TRIM16: variants seen among roughly 807,000 people sequenced by gnomAD.
TRIM16 encodes the protein tripartite motif-containing protein 16.
A neutral mutation model predicts 50.4 loss-of-function variants in TRIM16; 33 were observed. The observed-to-expected ratio is 0.65, with a 90% confidence interval of 0.50 to 0.88. TRIM16 has a LOEUF of 0.88. Among genes scored for constraint, TRIM16 ranks in the 40% least tolerant of loss-of-function variants. The pLI is 0.00. For missense variants in TRIM16, 581 were observed against 686.8 expected (o/e 0.85, Z 1.72); for synonymous variants, 229 against 270.7 (o/e 0.85, Z 1.51).
intron 6 of TRIM16, chr17:15,675,362 G>C (rs1264544822): frequency 6.2e-6 from 1 of 161,642 alleles, no homozygotes; most frequent in Non-Finnish European, 1.5e-5. Context: ...GAGTGGATTT[G>C]TCCAGACATT....
Position 15,651,197 on chromosome 17 carries a change from A to G in TRIM16, c.413T>C (p.Leu138Pro). 1 of 1,614,224 alleles carries G rather than the reference A, an allele frequency of 6.2e-7. No individual in the cohort carries two copies. The highest frequency in any genetic ancestry group is 8.5e-7 in the Non-Finnish European group (1 of 1,180,026). The change falls in exon 7 of 12, where the codon CTG becomes CCG. Residue 138 changes from leucine (L) to proline (P), a missense_variant. This residue lies in a region of TRIM16 where 450 missense variants were observed against 544.3 expected (regional missense o/e 0.83). Transcript: ENST00000649191. ...WRYCPAHHSP[L>P]SAFCCPDQQC... ...CTGATCAGGGCAGCAGAAGGCAGAC[A>G]GTGGGCTGTGGTGGGCAGGGCAGTA...
At chr17:15,648,179 T>C (rs974713366) in intron 7 of TRIM16, among the ~76,000 whole-genome samples, 11 of 150,020 alleles carry the variant, frequency 7.3e-5, no homozygotes, top group African/African-American at 2.7e-4. Flanking sequence ...TGAGCCGAGA[T>C]TGCACCGCTG....
At chr17:15,647,590 C>CAGTA (rs1987458789) in intron 7 of TRIM16, among the ~76,000 whole-genome samples, 1 of 152,064 alleles carries the variant, frequency 6.6e-6, no homozygotes. Flanking sequence ...TCCAAAGGTG[C>CAGTA]AGTAATTGCA....
Position 15,628,813 on chromosome 17 carries a change from G to A in TRIM16, c.1497C>T (p.Ile499=), listed in dbSNP as rs755173748. Residue 499 remains isoleucine (I), a synonymous_variant, in exon 12 of 12, where the codon ATC becomes ATT. Transcript: ENST00000649191. ...AGPFRRLGVY[I]DFPGGILSFY... ...AGGAAAGGATCCCTCCCGGGAAGTCGATATAGACCCCGAGCCTCCGGAAAG... is the reference window on the plus strand; with the variant it reads ...AGGAAAGGATCCCTCCCGGGAAGTCAATATAGACCCCGAGCCTCCGGAAAG... 8.7e-6 allele frequency: 14 copies of A among 1,614,030 alleles called. No individual in the cohort carries two copies. Among genetic ancestry groups the A allele is most frequent in the South Asian group, 6.6e-5 (6 of 91,080 alleles).
intron 9 of TRIM16, among the ~76,000 whole-genome samples, chr17:15,634,503 T>C (rs1177487845): frequency 6.9e-6 from 1 of 145,400 alleles, no homozygotes; most frequent in African/African-American, 2.6e-5. Context: ...TGGTGGCCCA[T>C]GCTTGTAATC....
intron 6 of TRIM16, among the ~76,000 whole-genome samples, chr17:15,659,751 G>C (rs1159324638): frequency 6.6e-6 from 1 of 152,224 alleles, no homozygotes; most frequent in Non-Finnish European, 1.5e-5. Flanking sequence ...CTGAGGCCCT[G>C]AGCCAATTGT....
At chr17:15,652,567 T>A (rs1455419193) in intron 6 of TRIM16, among the ~76,000 whole-genome samples, 1 of 149,828 alleles carries the variant, frequency 6.7e-6, no homozygotes, top group African/African-American at 2.5e-5. Context: ...GGTTTGTGAT[T>A]CTTCTGCCTC....
chr17:15,628,457 T>G lies in TRIM16; in HGVS notation c.*158A>C. The G allele has an allele frequency of 1.6e-6, 1 of 635,158 alleles. No homozygotes were observed. The highest frequency in any genetic ancestry group is 2.7e-6 in the Non-Finnish European group (1 of 373,116). 39.3% of individuals were successfully genotyped at this position (635,158 alleles called of 1,614,324 possible). A position where few individuals can be genotyped will look rare whatever the true frequency, so the allele number is the denominator to read the frequency against. On this transcript the variant is annotated 3_prime_UTR_variant, in exon 12 of 12. Transcript: ENST00000649191. ...CAAACACATAGAGAACAGCACCATA[T>G]GGAGCAAAAGAGAGCAGCTGGAGAA...
intron 7 of TRIM16, among the ~76,000 whole-genome samples, chr17:15,646,985 G>C (rs937831255): frequency 1.7e-5 from 2 of 118,432 alleles, no homozygotes; most frequent in Non-Finnish European, 3.6e-5. Flanking sequence ...TTTTTTTTTT[G>C]AGATGGAGTC....
intron 8 of TRIM16, among the ~76,000 whole-genome samples, chr17:15,639,045 C>CTT (rs529832460): frequency 4.4e-4 from 44 of 100,876 alleles, no homozygotes; most frequent in Non-Finnish European, 7.1e-4. Context: ...TTCTCTCTCT[C>CTT]TTTTTTTTTT....
chr17:15,654,521 AAG>A (rs1168284417), intron 6 of TRIM16: 1 of 152,252 alleles, frequency 6.6e-6, no homozygotes, highest in African/African-American at 2.4e-5. Context: ...GAGGAAGAGA[AAG>A]AGCTGAAGTC....
At chr17:15,674,215 C>CA (rs1354115211) in intron 6 of TRIM16, among the ~76,000 whole-genome samples, 1 of 151,912 alleles carries the variant, frequency 6.6e-6, no homozygotes, top group Non-Finnish European at 1.5e-5. Context: ...ACAAAAAATA[C>CA]AAAAATTAGC....
intron 6 of TRIM16, among the ~76,000 whole-genome samples, chr17:15,659,235 G>T (rs916080980): frequency 6.6e-6 from 1 of 152,282 alleles, no homozygotes; most frequent in Non-Finnish European, 1.5e-5. Flanking sequence ...GGTGCACCAC[G>T]GTCATTTCTT....
In TRIM16 at chr17:15,628,019, T is replaced by G. The variant is rs1419109185; in HGVS notation, c.*596A>C. ...CTCTGCAATCTTTTCAGCCACTCTT[T>G]AAGGTTCCTGGTCATCCATTCTGGG... On this transcript the variant is annotated 3_prime_UTR_variant, in exon 12 of 12. Coordinates refer to ENST00000649191, the MANE Select transcript of TRIM16 (RefSeq NM_001348119.1). 3 of 152,304 alleles carry G rather than the reference T, an allele frequency of 2.0e-5. No individual in the cohort carries two copies. Among genetic ancestry groups the G allele is most frequent in the Non-Finnish European group, 2.9e-5 (2 of 68,140 alleles). 9.4% of individuals were successfully genotyped at this position (152,304 alleles called of 1,614,324 possible).
intron 7 of TRIM16, chr17:15,643,103 T>C: frequency 9.1e-7 from 1 of 1,100,978 alleles, no homozygotes; most frequent in South Asian, 1.8e-5. Flanking sequence ...GCCATACCCA[T>C]ACTAGCTGTA....
intron 7 of TRIM16, among the ~76,000 whole-genome samples, chr17:15,645,629 C>T (rs1246016600): frequency 2.0e-5 from 3 of 152,062 alleles, no homozygotes; most frequent in Non-Finnish European, 4.4e-5. Flanking sequence ...TTTAAAGCTG[C>T]GAGTCATTAT....
chr17:15,636,032 A>G lies in TRIM16; in HGVS notation c.849+4T>C. The G allele has an allele frequency of 6.2e-7, 1 of 1,611,350 alleles. No homozygotes were observed. Among genetic ancestry groups the G allele is most frequent in the Non-Finnish European group, 8.5e-7 (1 of 1,179,232 alleles). On this transcript the variant is annotated splice_donor_region_variant and intron_variant, in intron 9 of 11. Coordinates refer to ENST00000649191, the MANE Select transcript of TRIM16 (RefSeq NM_001348119.1). ...GGATGCCTCTGCCCCCGCAACCCCC[A>G]TACCTCCAAGAACTGGACAGTGTTG... is the stretch of plus-strand genomic sequence containing the variant.
Position 15,629,081 on chromosome 17 carries a change from C to T in TRIM16, c.1229G>A (p.Ser410Asn), listed in dbSNP as rs772501798. Residue 410 changes from serine to asparagine, a missense_variant, in exon 12 of 12, where the codon AGC (serine) becomes AAC (asparagine). By Grantham distance (46) the Ser-to-Asn change is conservative. Around this residue, in one of 3 missense-constraint regions of TRIM16, gnomAD observed 450 missense variants for 544.3 expected, o/e 0.83. Coordinates refer to ENST00000649191, the MANE Select transcript of TRIM16 (RefSeq NM_001348119.1). Reference protein sequence around the residue: ...PWEHPYPDLPSRFLHWRQVLS... With the variant: ...PWEHPYPDLPNRFLHWRQVLS... Reference sequence around the variant, plus strand: ...CACCTGCCGCCAGTGCAGGAACCTGCTGGGGAGGTCCGGGTAGGGATGCTC... The same window carrying T: ...CACCTGCCGCCAGTGCAGGAACCTGTTGGGGAGGTCCGGGTAGGGATGCTC... The T allele has an allele frequency of 1.2e-6, 2 of 1,613,942 alleles. No individual in the cohort carries two copies. The highest frequency in any genetic ancestry group is 1.1e-5 in the South Asian group (1 of 91,078).
chr17:15,642,305 T>C (rs1987150607), intron 8 of TRIM16, among the ~76,000 whole-genome samples: 1 of 149,114 alleles, frequency 6.7e-6, no homozygotes, highest in Admixed American at 6.6e-5. Flanking sequence ...TCAACTCCTT[T>C]TTTCCAGCTG....
Sources: gnomAD v4.1 joint callset for allele counts (sites outside exome capture counted in the v4.1 genomes callset) on GRCh38, gnomAD v4.1.1 for gene constraint, gnomAD v4.1.1 regional missense constraint, MANE v1.5 for transcripts, NCBI Gene and HGNC (gene_info 2026-07-23, HGNC 2026-07-21) for gene names.